NUP93: variants seen among roughly 807,000 people sequenced by gnomAD.
The protein encoded by NUP93 is nuclear pore complex protein Nup93.
A neutral mutation model predicts 107.8 loss-of-function variants in NUP93; 55 were observed. That is an observed-to-expected ratio of 0.51 (90% confidence interval 0.41 to 0.64). The LOEUF (loss-of-function observed/expected upper bound fraction) is 0.64. Among genes scored for constraint, NUP93 ranks in the 30% least tolerant of loss-of-function variants. The probability of loss-of-function intolerance (pLI) is 0.00; values close to 1 mark genes in which losing one functional copy is unlikely to be tolerated. For synonymous variants in NUP93, 390 were observed against 397.5 expected (o/e 0.98, Z 0.22); for missense variants, 937 against 1,044.7 (o/e 0.90, Z 1.42).
intron 1 of NUP93, among the ~76,000 whole-genome samples, chr16:56,745,304 A>G (rs1208051511): frequency 6.6e-6 from 1 of 151,940 alleles, no homozygotes; most frequent in Non-Finnish European, 1.5e-5. Context: ...AGTGGCTGGC[A>G]CCCATGAAAG....
intron 3 of NUP93, among the ~76,000 whole-genome samples, chr16:56,768,801 A>G (rs1182883736): frequency 6.7e-6 from 1 of 148,262 alleles, no homozygotes; most frequent in African/African-American, 2.5e-5. Flanking sequence ...CAGGAGGTAG[A>G]GCTTGCGGTG....
At chr16:56,838,280 C>T (rs760168057) in intron 18 of NUP93, among the ~76,000 whole-genome samples, 3 of 152,026 alleles carry the variant, frequency 2.0e-5, no homozygotes, top group Non-Finnish European at 1.5e-5. Context: ...CCCGGGGTAA[C>T]AAAAAAGAAC....
intron 1 of NUP93, among the ~76,000 whole-genome samples, chr16:56,738,602 T>A (rs1961649790): frequency 6.6e-6 from 1 of 151,674 alleles, no homozygotes; most frequent in African/African-American, 2.4e-5. Flanking sequence ...TTTCCAACAA[T>A]TTTTTTTTCC....
intron 3 of NUP93, among the ~76,000 whole-genome samples, chr16:56,762,611 G>A (rs118038218): frequency 6.6e-6 from 1 of 152,234 alleles, no homozygotes; most frequent in Non-Finnish European, 1.5e-5. Context: ...TTAGACCATT[G>A]CAGAGCAATA....
At chr16:56,805,381 T>C (rs1317317829) in intron 4 of NUP93, 123 bp from the exon 5 acceptor site, 2 of 999,368 alleles carry the variant, frequency 2.0e-6, no homozygotes, top group Non-Finnish European at 2.9e-6. Flanking sequence ...TTAAAGTAGA[T>C]TGCTTTTTCT....
chr16:56,737,175 T>C (rs567202079), intron 1 of NUP93, among the ~76,000 whole-genome samples: 38 of 152,230 alleles, frequency 2.5e-4, no homozygotes, highest in Non-Finnish European at 2.6e-4. Flanking sequence ...GAAATTTATT[T>C]CCTCACAGTT....
intron 3 of NUP93, among the ~76,000 whole-genome samples, chr16:56,767,418 AG>A (rs1341520590): frequency 6.6e-6 from 1 of 152,248 alleles, no homozygotes; most frequent in Non-Finnish European, 1.5e-5. Flanking sequence ...ATAAAACAAA[AG>A]GGAGGGAGGG....
At chr16:56,761,470 T>C (rs1473368030) in intron 3 of NUP93, among the ~76,000 whole-genome samples, 3 of 152,254 alleles carry the variant, frequency 2.0e-5, no homozygotes, top group African/African-American at 4.8e-5. Context: ...ACTTTTTTTT[T>C]CATTTATTTT....
chr16:56,823,059 C>A (rs2399560), intron 7 of NUP93, among the ~76,000 whole-genome samples: 146,264 of 152,252 alleles, frequency 0.96, 70,277 homozygotes, highest in East Asian at 1. Context: ...TTTAAGGAGC[C>A]ATTTACAGGC....
rs1596850097 is a variant in NUP93, at chr16:56,828,910, T to C, written c.795-67T>C. Reference sequence around the variant, plus strand: ...CCAAGCTACAGTGTAATGTCATGGATATGGGCATAGAGATGTGTAATAAAT... The same window carrying C: ...CCAAGCTACAGTGTAATGTCATGGACATGGGCATAGAGATGTGTAATAAAT... On this transcript the variant is annotated intron_variant, in intron 8 of 21. Transcript: ENST00000308159. The C allele has an allele frequency of 2.0e-5, 30 of 1,519,550 alleles. No homozygotes were observed. In the East Asian group the frequency reaches 6.8e-4, roughly 34 times the overall value. The allele number at this position is 1,519,550 out of a possible 1,614,324, so 94.1% of individuals were successfully genotyped here.
rs1962070565 is a variant in NUP93 at position 56,758,635 on chromosome 16, G to A, written c.277G>A (p.Val93Met). 1 of 1,613,560 alleles carries A rather than the reference G, an allele frequency of 6.2e-7. No individual in the cohort carries two copies. The highest frequency in any genetic ancestry group is 1.3e-5 in the African/African-American group (1 of 74,886). ...AATTFEPLEPVKDTDIQGFLK... is the reference protein window; with the variant it reads ...AATTFEPLEPMKDTDIQGFLK... ...CACCACCTTTGAGCCTCTTGAGCCTGTGAAGGACACTGACATTCAGGTAAG... is the reference window on the plus strand; with the variant it reads ...CACCACCTTTGAGCCTCTTGAGCCTATGAAGGACACTGACATTCAGGTAAG... The change falls in exon 3 of 22, where the codon GTG becomes ATG. Residue 93 changes from valine to methionine, a missense_variant. By Grantham distance (21) the Val-to-Met change is conservative (BLOSUM62 1). Coordinates refer to ENST00000308159, the MANE Select transcript of NUP93 (RefSeq NM_014669.5).
chr16:56,750,052 A>G (rs1349127393), intron 2 of NUP93, among the ~76,000 whole-genome samples: 1 of 152,256 alleles, frequency 6.6e-6, no homozygotes, highest in African/African-American at 2.4e-5. Flanking sequence ...CCATGATGCC[A>G]TCTTAGTTGC....
intron 3 of NUP93, among the ~76,000 whole-genome samples, chr16:56,777,013 AGAGT>A (rs1162315066): frequency 6.6e-6 from 1 of 152,046 alleles, no homozygotes; most frequent in Non-Finnish European, 1.5e-5. Context: ...GCTGAGAGAG[AGAGT>A]GAGCGTGTGT....
chr16:56,843,543 A>G (rs1964066679), intron 21 of NUP93, among the ~76,000 whole-genome samples: 1 of 152,204 alleles, frequency 6.6e-6, no homozygotes. Context: ...CCTTGGTTTC[A>G]TGGTTTAAAG....
chr16:56,793,643 G>T (rs1372590192), intron 3 of NUP93, among the ~76,000 whole-genome samples: 2 of 152,120 alleles, frequency 1.3e-5, no homozygotes, highest in African/African-American at 4.8e-5. Flanking sequence ...GGAGATCTGT[G>T]GGGGACCTGG....
Position 56,741,750 on chromosome 16 carries a change from A to C in NUP93, c.-14-6484A>C, listed in dbSNP as rs1354689345. 8 of 152,372 alleles carry C rather than the reference A, an allele frequency of 5.3e-5. No homozygotes were observed. In the East Asian group the frequency reaches 1.5e-3, roughly 29 times the overall value. 9.4% of individuals were successfully genotyped at this position (152,372 alleles called of 1,614,324 possible). A position where few individuals can be genotyped will look rare whatever the true frequency, so the allele number is the denominator to read the frequency against. ...CTCCCCCTTTGACAACATCAAAAAAAATAGCAGTGCTAACAACTGTCTTTT... is the reference window on the plus strand; with the variant it reads ...CTCCCCCTTTGACAACATCAAAAAACATAGCAGTGCTAACAACTGTCTTTT... On this transcript the variant is annotated intron_variant, in intron 1 of 21. Coordinates refer to ENST00000308159, the MANE Select transcript of NUP93 (RefSeq NM_014669.5).
At chr16:56,815,994 G>T (rs1963424058) in intron 5 of NUP93, among the ~76,000 whole-genome samples, 2 of 152,120 alleles carry the variant, frequency 1.3e-5, no homozygotes, top group Admixed American at 1.3e-4. Flanking sequence ...TGTTTTTGGA[G>T]AGTTGCCCTG....
intron 3 of NUP93, among the ~76,000 whole-genome samples, chr16:56,767,966 A>G (rs1962244285): frequency 6.6e-6 from 1 of 152,180 alleles, no homozygotes; most frequent in Admixed American, 6.5e-5. Context: ...AGACTGAGAG[A>G]TACTTTTATA....
rs763589213 is a variant in NUP93 at position 56,830,605 on chromosome 16, A to T, written c.1005A>T (p.Ser335=). ...GCTGTGGAGACCTGCTTGCCGCTTC[A>T]CAGGTAGTTAATCGAGCCCAGCACC... The part of the protein sequence containing the change: ...CMRCGDLLAA[S]QVVNRAQHQL... The change falls in exon 10 of 22, where the codon TCA becomes TCT. Residue 335 remains serine (S), a synonymous_variant. Transcript: ENST00000308159. The T allele has an allele frequency of 6.2e-7, 1 of 1,611,256 alleles. No homozygotes were observed. The highest frequency in any genetic ancestry group is 1.1e-5 in the South Asian group (1 of 90,978).
Sources: allele counts gnomAD v4.1 joint callset (sites outside exome capture counted in the v4.1 genomes callset), GRCh38; gene constraint gnomAD v4.1.1; transcripts MANE v1.5; gene names NCBI Gene and HGNC (gene_info 2026-07-23, HGNC 2026-07-21).